COL24A1: variants seen among roughly 807,000 people sequenced by gnomAD.
The protein encoded by COL24A1 is collagen type XXIV alpha 1 chain.
COL24A1 carries 224 observed loss-of-function variants against 253.9 expected under a neutral mutation model. That is an observed-to-expected ratio of 0.88 (90% CI 0.79 to 0.99). The LOEUF (loss-of-function observed/expected upper bound fraction) is 0.99, where lower values mean the gene tolerates loss of function less well. COL24A1 is among the 50% of genes least tolerant of loss of function. The pLI, the probability that COL24A1 is intolerant of heterozygous loss-of-function variation, is 0.00. For synonymous variants in COL24A1, 685 were observed against 673.7 expected (o/e 1.02, Z -0.26); for missense variants, 2,131 against 2,068.5 (o/e 1.03, Z -0.59).
chr1:85,937,882 A>T lies in COL24A1; in HGVS notation c.2562+23367T>A, dbSNP rs144354940. 3.2e-3 allele frequency among the ~76,000 whole-genome samples: 468 copies of T among 147,566 alleles called. 42 individuals carry two copies. The highest frequency in any genetic ancestry group is 0.011 in the African/African-American group (424 of 40,268). ...CCACACTGAGGCCTCAATTAGTACC[A>T]GTATTTAGTAGCTTAAAAAGTGTCT... is the stretch of plus-strand genomic sequence containing the variant. On this transcript the variant is annotated intron_variant, in intron 24 of 59. Transcript: ENST00000370571.
chr1:86,086,928 A>G (rs1703105221), intron 7 of COL24A1, among the ~76,000 whole-genome samples: 1 of 152,292 alleles, frequency 6.6e-6, no homozygotes, highest in East Asian at 1.9e-4. Context: ...GAAAAGGGGG[A>G]AAATATTCCA....
chr1:85,854,258 A>G (rs1230611835), intron 37 of COL24A1, among the ~76,000 whole-genome samples: 1 of 152,102 alleles, frequency 6.6e-6, no homozygotes, highest in Non-Finnish European at 1.5e-5. Context: ...GGCTTTGTCA[A>G]AGGTCAGATA....
chr1:86,059,089 CAAAG>C, intron 9 of COL24A1, 28 bp downstream of exon 9: 1 of 1,511,538 alleles, frequency 6.6e-7, no homozygotes, highest in Non-Finnish European at 9.0e-7. Context: ...AATAGGAACA[CAAAG>C]AGAAAAGTCT....
chr1:86,070,301 A>T (rs1180763192), intron 7 of COL24A1, among the ~76,000 whole-genome samples: 1 of 152,218 alleles, frequency 6.6e-6, no homozygotes, highest in Non-Finnish European at 1.5e-5. Flanking sequence ...AAAAGAAAAC[A>T]GAATAAAAAA....
At chr1:85,920,352 G>A (rs542152717) in intron 24 of COL24A1, among the ~76,000 whole-genome samples, 1 of 152,306 alleles carries the variant, frequency 6.6e-6, no homozygotes, top group African/African-American at 2.4e-5. Context: ...AAAGATGGGA[G>A]GGAGCAAATG....
chr1:86,145,852 C>A (rs544180710), intron 2 of COL24A1, among the ~76,000 whole-genome samples: 17 of 152,002 alleles, frequency 1.1e-4, no homozygotes, highest in Admixed American at 1.0e-3. Flanking sequence ...ACAAGCAAAG[C>A]CTTTTTATTG....
chr1:85,999,701 A>C (rs1695213946), intron 19 of COL24A1, among the ~76,000 whole-genome samples: 1 of 152,146 alleles, frequency 6.6e-6, no homozygotes, highest in Admixed American at 6.6e-5. Flanking sequence ...CTGGGTAGGC[A>C]GAAGACTCTA....
chr1:85,878,645 TA>T (rs1179573025), intron 32 of COL24A1, among the ~76,000 whole-genome samples: 1 of 152,198 alleles, frequency 6.6e-6, no homozygotes, highest in Non-Finnish European at 1.5e-5. Context: ...CCTAGCTTCT[TA>T]AAAAACTGCC....
chr1:86,110,781 G>A (rs1705485322), intron 5 of COL24A1, among the ~76,000 whole-genome samples: 1 of 152,128 alleles, frequency 6.6e-6, no homozygotes, highest in South Asian at 2.1e-4. Context: ...CCTGCCCGCA[G>A]GGCAGGGCTC....
At chr1:85,795,012 C>T (rs563566768) in intron 47 of COL24A1, among the ~76,000 whole-genome samples, 14 of 152,212 alleles carry the variant, frequency 9.2e-5, no homozygotes, top group East Asian at 1.9e-4. Context: ...ACAAGTACTT[C>T]GATCAGTAAT....
intron 20 of COL24A1, among the ~76,000 whole-genome samples, chr1:85,976,025 G>A (rs1412970573): frequency 6.6e-6 from 1 of 152,192 alleles, no homozygotes; most frequent in East Asian, 1.9e-4. Flanking sequence ...CCTCAGGGAA[G>A]GCAGCCGGCA....
intron 57 of COL24A1, among the ~76,000 whole-genome samples, chr1:85,741,101 G>A (rs1664580960): frequency 6.7e-6 from 1 of 149,618 alleles, no homozygotes; most frequent in Admixed American, 6.6e-5. Flanking sequence ...CCTAGGCACA[G>A]GGGTGAAACT....
chr1:86,054,729 T>C (rs756064406), intron 10 of COL24A1, among the ~76,000 whole-genome samples: 1 of 152,092 alleles, frequency 6.6e-6, no homozygotes, highest in African/African-American at 2.4e-5. Context: ...GGAAAGAAGT[T>C]TGGAAATTTC....
At chr1:85,993,057 G>A (rs985339189) in intron 19 of COL24A1, among the ~76,000 whole-genome samples, 3 of 152,050 alleles carry the variant, frequency 2.0e-5, no homozygotes, top group South Asian at 4.1e-4. Flanking sequence ...ACTAGAGGCT[G>A]GAGACTAATT....
intron 52 of COL24A1, among the ~76,000 whole-genome samples, chr1:85,776,441 G>T (rs1419100484): frequency 6.6e-6 from 1 of 151,928 alleles, no homozygotes; most frequent in Non-Finnish European, 1.5e-5. Flanking sequence ...CTTTTAAAAT[G>T]TGTTAATATT....
At chr1:86,095,117 C>T (rs1045699489) in intron 5 of COL24A1, among the ~76,000 whole-genome samples, 8 of 151,720 alleles carry the variant, frequency 5.3e-5, no homozygotes, top group African/African-American at 1.9e-4. Flanking sequence ...CCCTTTGTGG[C>T]CAATGTTTTT....
chr1:86,133,745 G>C (rs544488178), intron 2 of COL24A1, among the ~76,000 whole-genome samples: 1 of 152,188 alleles, frequency 6.6e-6, no homozygotes, highest in South Asian at 2.1e-4. Context: ...TGCTGGATTC[G>C]TTTTGCCAGT....
At chr1:85,882,985 C>A (rs780484422) in intron 32 of COL24A1, among the ~76,000 whole-genome samples, 1 of 152,118 alleles carries the variant, frequency 6.6e-6, no homozygotes, top group Non-Finnish European at 1.5e-5. Context: ...TTCTTGAAGA[C>A]AACATACAAT....
At chr1:85,806,304 T>G (rs1317582566) in intron 47 of COL24A1, among the ~76,000 whole-genome samples, 3 of 152,114 alleles carry the variant, frequency 2.0e-5, no homozygotes, top group African/African-American at 7.2e-5. Context: ...AGAAAAGAAT[T>G]TAAATAAGGG....
Sources: gnomAD v4.1 joint callset for allele counts (sites outside exome capture counted in the v4.1 genomes callset) on GRCh38, gnomAD v4.1.1 for gene constraint, MANE v1.5 for transcripts, NCBI Gene and HGNC (gene_info 2026-07-23, HGNC 2026-07-21) for gene names.